The following LEF1 variants were observed in gnomAD, a reference collection of about 807,000 sequenced individuals.
LEF1 encodes the protein lymphoid enhancer-binding factor 1.
Under a neutral mutation model 51.2 loss-of-function variants are expected in LEF1, and 14 were observed. The observed-to-expected ratio is 0.27, with a 90% CI of 0.18 to 0.43. LEF1 has a LOEUF of 0.43. Ranked by LOEUF, LEF1 falls within the 20% of genes least tolerant of loss-of-function variation. LEF1 has a pLI of 1.00. For synonymous variants in LEF1, 185 were observed against 183.2 expected, an observed-to-expected ratio of 1.01 and a Z score of -0.08; for missense variants, 386 against 512.0, an observed-to-expected ratio of 0.75 and a Z score of 2.37.
chr4:108,135,849 G>A (rs1449746603), intron 3 of LEF1, among the ~76,000 whole-genome samples: 3 of 152,034 alleles, frequency 2.0e-5, no homozygotes, highest in African/African-American at 4.8e-5. Flanking sequence ...CTCCTCCCAC[G>A]CACCCCATGG....
intron 3 of LEF1, among the ~76,000 whole-genome samples, chr4:108,157,166 C>A (rs6858610): frequency 0.15 from 16,993 of 116,098 alleles, 1,392 homozygotes; most frequent in East Asian, 0.37. Context: ...CTCTCTCTCT[C>A]TCTATATATA....
At chr4:108,135,010 G>A (rs1221528758) in intron 3 of LEF1, among the ~76,000 whole-genome samples, 1 of 152,118 alleles carries the variant, frequency 6.6e-6, no homozygotes, top group African/African-American at 2.4e-5. Context: ...GGTCCAAAAA[G>A]ACCCCAAATG....
rs77075686 is a variant in LEF1 at position 108,136,333 on chromosome 4, A to T, written c.414+27235T>A. Among the ~76,000 whole-genome samples, 105 of 152,290 alleles carry T rather than the reference A, an allele frequency of 6.9e-4. No individual in the cohort carries two copies. In the Middle Eastern group the frequency reaches 0.01, roughly 15 times the overall value. On this transcript the variant is annotated intron_variant, in intron 3 of 11. Transcript: ENST00000265165. ...CTTCTACTATATGCGTATTCCCCCC[A>T]AAACCTTCAAAACTTAAATTCTACT...
rs557910668 is a variant in LEF1 at position 108,152,538 on chromosome 4, T to C, written c.414+11030A>G. ...TGGTTGAGTGAAGAGAAAGTAAGCT[T>C]GGGGCCAAAGGGCCACACTTGGAGT... On this transcript the variant is annotated intron_variant, in intron 3 of 11. Coordinates refer to ENST00000265165, the MANE Select transcript of LEF1 (RefSeq NM_016269.5). 2.0e-5 allele frequency among the ~76,000 whole-genome samples: 3 copies of C among 152,308 alleles called. No homozygotes were observed. In the East Asian group the frequency reaches 5.8e-4, roughly 29 times the overall value.
chr4:108,161,800 A>G (rs775752766), intron 3 of LEF1, among the ~76,000 whole-genome samples: 1 of 152,182 alleles, frequency 6.6e-6, no homozygotes, highest in Non-Finnish European at 1.5e-5. Context: ...CTCACAGCTG[A>G]AAAACGTAAG....
At chr4:108,079,225 T>TC (rs11463196) in intron 7 of LEF1, among the ~76,000 whole-genome samples, 126,426 of 152,168 alleles carry the variant, frequency 0.83, 53,814 homozygotes, top group East Asian at 0.96. Flanking sequence ...CTGAAGAGTC[T>TC]CGAATGCCTA....
chr4:108,111,299 T>C (rs1285206019), intron 3 of LEF1, among the ~76,000 whole-genome samples: 1 of 152,158 alleles, frequency 6.6e-6, no homozygotes, highest in Non-Finnish European at 1.5e-5. Flanking sequence ...AGAGATGCAT[T>C]ATTATCCTGA....
intron 3 of LEF1, among the ~76,000 whole-genome samples, chr4:108,121,095 T>C (rs190140947): frequency 2.7e-4 from 41 of 152,360 alleles, no homozygotes; most frequent in South Asian, 1.7e-3. Flanking sequence ...ATCACTAGAA[T>C]ATTAAAAAGA....
At chr4:108,101,003 T>C (rs1354106120) in intron 3 of LEF1, among the ~76,000 whole-genome samples, 1 of 152,168 alleles carries the variant, frequency 6.6e-6, no homozygotes, top group African/African-American at 2.4e-5. Flanking sequence ...ACTGGAGGGA[T>C]GTGTAGGCAT....
chr4:108,070,349 T>C (rs1578303908), intron 9 of LEF1: 2 of 191,010 alleles, frequency 1.0e-5, no homozygotes. Flanking sequence ...TAAGTAGTTA[T>C]TACTAATGTT....
chr4:108,083,265 G>A, intron 5 of LEF1, 91 bp downstream of exon 5: 1 of 880,664 alleles, frequency 1.1e-6, no homozygotes, highest in South Asian at 1.3e-5. Flanking sequence ...AACTCCACAA[G>A]TGTTACCATT....
At chr4:108,094,916 T>G (rs1036005439) in intron 3 of LEF1, among the ~76,000 whole-genome samples, 2 of 152,182 alleles carry the variant, frequency 1.3e-5, no homozygotes, top group Non-Finnish European at 2.9e-5. Flanking sequence ...TTTCCCTCCT[T>G]TTCTGAGAAT....
chr4:108,141,494 G>A (rs577272411), intron 3 of LEF1, among the ~76,000 whole-genome samples: 2 of 152,266 alleles, frequency 1.3e-5, no homozygotes, highest in East Asian at 1.9e-4. Flanking sequence ...TAACAAACCC[G>A]TAATCTCGTC....
intron 9 of LEF1, among the ~76,000 whole-genome samples, chr4:108,068,662 C>T (rs1044891443): frequency 2.6e-5 from 4 of 152,144 alleles, no homozygotes; most frequent in African/African-American, 9.7e-5. Flanking sequence ...GTCTGAGCTC[C>T]AAACCTTGAC....
intron 3 of LEF1, among the ~76,000 whole-genome samples, chr4:108,091,539 T>C (rs1740025714): frequency 6.6e-6 from 1 of 152,044 alleles, no homozygotes. Context: ...AATTATCAGC[T>C]CTTCTTTAAT....
chr4:108,089,222 C>T lies in LEF1; in HGVS notation c.450G>A (p.Ala150=), dbSNP rs201078535. ...NKVPVVQPSH[A]VHPLTPLITY... ...TGATGAGGGGGGTGAGAGGATGGAC[C>T]GCATGGGATGGCTGCACCACGGGCA... Residue 150 remains alanine (A), a synonymous_variant, in exon 4 of 12, where the codon GCG becomes GCA. Coordinates refer to ENST00000265165, the MANE Select transcript of LEF1 (RefSeq NM_016269.5). 5.6e-5 allele frequency: 90 copies of T among 1,613,920 alleles called. No individual in the cohort carries two copies. In the East Asian group the frequency reaches 1.5e-3, roughly 28 times the overall value.
intron 11 of LEF1, among the ~76,000 whole-genome samples, chr4:108,063,189 A>G (rs529349214): frequency 2.0e-5 from 3 of 152,302 alleles, no homozygotes; most frequent in African/African-American, 4.8e-5. Flanking sequence ...TGTGATTTCA[A>G]TTGAGAAAAA....
chr4:108,116,600 A>G (rs1741856930), intron 3 of LEF1, among the ~76,000 whole-genome samples: 2 of 152,176 alleles, frequency 1.3e-5, no homozygotes, highest in African/African-American at 4.8e-5. Context: ...ATTAACCCTC[A>G]TGATGGCCAC....
Position 108,166,593 on chromosome 4 carries a change from G to A in LEF1, c.213+962C>T, listed in dbSNP as rs371662563. 9.8e-6 allele frequency: 11 copies of A among 1,126,002 alleles called. No homozygotes were observed. In the African/African-American group the frequency reaches 1.6e-4, roughly 17 times the overall value. The allele number at this position is 1,126,002 out of a possible 1,614,324, so 69.8% of individuals were successfully genotyped here. A position where few individuals can be genotyped will look rare whatever the true frequency, so the allele number is the denominator to read the frequency against. ...ACTAGGCTTCAAACAGCCCTCCAGC[G>A]CGGCCCTGCTCCGCGCTTTCTCTAG... On this transcript the variant is annotated intron_variant, in intron 1 of 11. Coordinates refer to ENST00000265165, the MANE Select transcript of LEF1 (RefSeq NM_016269.5).
Sources: gnomAD v4.1 joint callset for allele counts (sites outside exome capture counted in the v4.1 genomes callset) on GRCh38, gnomAD v4.1.1 for gene constraint, MANE v1.5 for transcripts, NCBI Gene and HGNC (gene_info 2026-07-23, HGNC 2026-07-21) for gene names.